NECTIN3: variants seen among roughly 807,000 people sequenced by gnomAD.
The protein encoded by NECTIN3 is nectin-3.
Under a neutral mutation model 49.4 loss-of-function variants are expected in NECTIN3, and 8 were observed. That is an observed-to-expected ratio of 0.16 (90% confidence interval 0.10 to 0.29). NECTIN3 has a LOEUF of 0.29. NECTIN3 is among the 10% of genes least tolerant of loss of function. The probability of loss-of-function intolerance (pLI) is 1.00; values close to 1 mark genes in which losing one functional copy is unlikely to be tolerated. For missense variants in NECTIN3, 581 were observed against 654.6 expected, an observed-to-expected ratio of 0.89 and a Z score of 1.23; for synonymous variants, 277 against 241.1, an observed-to-expected ratio of 1.15 and a Z score of -1.38.
chr3:111,107,157 C>T (rs1671146964), intron 1 of NECTIN3, among the ~76,000 whole-genome samples: 1 of 151,974 alleles, frequency 6.6e-6, no homozygotes, highest in Admixed American at 6.6e-5. Flanking sequence ...TTATATACGT[C>T]ATTACATTTT....
intron 7 of NECTIN3, among the ~76,000 whole-genome samples, chr3:111,162,370 C>T (rs1427659368): frequency 6.6e-6 from 1 of 152,016 alleles, no homozygotes. Flanking sequence ...GCAGGTTTCC[C>T]CATGCTGCTG....
chr3:111,105,680 A>C lies in NECTIN3; in HGVS notation c.161-6350A>C, dbSNP rs778010346. ...TTTGTTCCTTTCTGATTTGGAATTT[A>C]TTTCTTTTTCTTGCTTGATTGTACT... On this transcript the variant is annotated intron_variant, in intron 1 of 5. Coordinates refer to ENST00000485303, the MANE Select transcript of NECTIN3 (RefSeq NM_015480.3). Among the ~76,000 whole-genome samples, 5 of 152,020 alleles carry C rather than the reference A, an allele frequency of 3.3e-5. 1 individual carries two copies. Among genetic ancestry groups the C allele is most frequent in the Non-Finnish European group, 5.9e-5 (4 of 67,998 alleles).
intron 1 of NECTIN3, chr3:111,074,203 G>A (rs2399373): frequency 0.81 from 368,384 of 456,032 alleles, 158,897 homozygotes; most frequent in Non-Finnish European, 0.93. Flanking sequence ...GGGCACAGAT[G>A]TTGTGACTTA....
At chr3:111,084,357 A>C (rs11717706) in intron 1 of NECTIN3, among the ~76,000 whole-genome samples, 107,495 of 152,130 alleles carry the variant, frequency 0.71, 43,662 homozygotes, top group Non-Finnish European at 0.93. Flanking sequence ...AATTGGCATA[A>C]CATGGACTTG....
intron 1 of NECTIN3, among the ~76,000 whole-genome samples, chr3:111,104,814 A>G (rs2033098199): frequency 6.6e-6 from 1 of 152,174 alleles, no homozygotes; most frequent in Non-Finnish European, 1.5e-5. Flanking sequence ...TGTGCTTTTA[A>G]TGACATATGT....
rs2034542527 is a variant in NECTIN3 at position 111,135,384 on chromosome 3, G to A, written c.*1169G>A. The A allele has an allele frequency of 1.1e-6, 1 of 932,854 alleles. No homozygotes were observed. Among genetic ancestry groups the A allele is most frequent in the Non-Finnish European group, 1.3e-6 (1 of 782,546 alleles). The allele number at this position is 932,854 out of a possible 1,614,324, so 57.8% of individuals were successfully genotyped here. A position where few individuals can be genotyped will look rare whatever the true frequency, so the allele number is the denominator to read the frequency against. On this transcript the variant is annotated 3_prime_UTR_variant, in exon 6 of 6. Coordinates refer to ENST00000485303, the MANE Select transcript of NECTIN3 (RefSeq NM_015480.3). ...TTACGATTAAAACTGGAAACATGAG[G>A]TTTTTTGTTTTTGTTTTTTTACATA...
intron 1 of NECTIN3, among the ~76,000 whole-genome samples, chr3:111,076,496 A>T (rs1023639564): frequency 2.0e-5 from 3 of 152,124 alleles, no homozygotes; most frequent in Non-Finnish European, 4.4e-5. Context: ...AGTTTTGTGT[A>T]CCATGCACAC....
chr3:111,088,055 A>C (rs2032037985), intron 1 of NECTIN3, among the ~76,000 whole-genome samples: 1 of 152,080 alleles, frequency 6.6e-6, no homozygotes, highest in Admixed American at 6.6e-5. Flanking sequence ...GATTCTGCCA[A>C]GCCTCATGTT....
At chr3:111,095,259 T>TG (rs1162480131) in intron 1 of NECTIN3, among the ~76,000 whole-genome samples, 1 of 152,124 alleles carries the variant, frequency 6.6e-6, no homozygotes, top group Non-Finnish European at 1.5e-5. Flanking sequence ...TTGGAGTCAC[T>TG]GAAAAAAAGG....
chr3:111,090,799 CTTT>C (rs1435360096), intron 1 of NECTIN3, among the ~76,000 whole-genome samples: 13 of 116,858 alleles, frequency 1.1e-4, no homozygotes, highest in East Asian at 7.8e-4. Context: ...CCTTAAACTT[CTTT>C]ATTTTACCTT....
At chr3:111,082,914 C>T (rs1404765088) in intron 1 of NECTIN3, among the ~76,000 whole-genome samples, 1 of 152,122 alleles carries the variant, frequency 6.6e-6, no homozygotes, top group African/African-American at 2.4e-5. Context: ...GTAAGGAGTG[C>T]ACAACATAGA....
intron 7 of NECTIN3, among the ~76,000 whole-genome samples, chr3:111,158,983 T>A (rs923912825): frequency 6.6e-6 from 1 of 152,272 alleles, no homozygotes; most frequent in East Asian, 1.9e-4. Flanking sequence ...GAAAAGATAC[T>A]CAACATTACT....
chr3:111,092,495 A>G (rs1321879238), intron 1 of NECTIN3, among the ~76,000 whole-genome samples: 1 of 152,114 alleles, frequency 6.6e-6, no homozygotes, highest in African/African-American at 2.4e-5. Context: ...GAAAGAGTCT[A>G]ACATCATTTT....
intron 1 of NECTIN3, among the ~76,000 whole-genome samples, chr3:111,079,512 C>A (rs187143146): frequency 2.6e-5 from 4 of 151,748 alleles, no homozygotes; most frequent in East Asian, 1.9e-4. Flanking sequence ...GTTTTTAAAA[C>A]CTGCTTAGAG....
At chr3:111,086,402 T>TATA (rs1490389706) in intron 1 of NECTIN3, among the ~76,000 whole-genome samples, 6 of 152,198 alleles carry the variant, frequency 3.9e-5, no homozygotes, top group Admixed American at 2.0e-4. Context: ...GAATCTTTAT[T>TATA]ATTTGCCTTT....
chr3:111,130,242 C>A (rs1400716671), intron 5 of NECTIN3, among the ~76,000 whole-genome samples: 2 of 150,920 alleles, frequency 1.3e-5, no homozygotes, highest in African/African-American at 4.9e-5. Context: ...AGGCATGAGC[C>A]ACCGCACCTA....
chr3:111,159,834 T>A (rs1317430660), intron 7 of NECTIN3, among the ~76,000 whole-genome samples: 2 of 152,234 alleles, frequency 1.3e-5, no homozygotes, highest in African/African-American at 4.8e-5. Flanking sequence ...CTGTAATTTT[T>A]AAAAATCTCT....
chr3:111,148,263 A>G (rs1206440826), intron 7 of NECTIN3, among the ~76,000 whole-genome samples: 1 of 152,196 alleles, frequency 6.6e-6, no homozygotes, highest in African/African-American at 2.4e-5. Context: ...GAAAAATTCT[A>G]AAGGAATGTT....
chr3:111,185,686 A>G (rs1432320840), intron 7 of NECTIN3, among the ~76,000 whole-genome samples: 1 of 152,222 alleles, frequency 6.6e-6, no homozygotes, highest in Non-Finnish European at 1.5e-5. Context: ...AGGTCATGGA[A>G]CAAAGACTCT....
Sources: allele counts gnomAD v4.1 joint callset (sites outside exome capture counted in the v4.1 genomes callset), GRCh38; gene constraint gnomAD v4.1.1; transcripts MANE v1.5; gene names NCBI Gene and HGNC (gene_info 2026-07-23, HGNC 2026-07-21).